The following BAZ2A variants were observed in gnomAD, a reference collection of about 807,000 sequenced individuals.
BAZ2A encodes bromodomain adjacent to zinc finger domain 2A, also known as bromodomain adjacent to zinc finger domain protein 2A.
Under a neutral mutation model 199.9 loss-of-function variants are expected in BAZ2A, and 34 were observed. The observed-to-expected ratio is 0.17, with a 90% CI of 0.13 to 0.23. The LOEUF (loss-of-function observed/expected upper bound fraction) is 0.23, where lower values mean the gene tolerates loss of function less well. BAZ2A is among the 10% of genes least tolerant of loss of function. The probability of loss-of-function intolerance (pLI) is 1.00; values close to 1 mark genes in which losing one functional copy is unlikely to be tolerated. For missense variants in BAZ2A, 2,002 were observed against 2,391.1 expected (o/e 0.84, Z 3.39); for synonymous variants, 857 against 883.9 (o/e 0.97, Z 0.54).
In BAZ2A at chr12:56,601,086, C is replaced by G. The variant is rs1886422506; in HGVS notation, c.4307G>C (p.Gly1436Ala). Reference sequence around the variant, plus strand: ...CTCAGGATCTCGTATCCACCACCAGCCTGAGCACATCTCTGTGAGCAGATG... The same window carrying G: ...CTCAGGATCTCGTATCCACCACCAGGCTGAGCACATCTCTGTGAGCAGATG... ...AQPVPPEMCS[G>A]WWWIRDPEML... The change falls in exon 22 of 29, where the codon GGC (glycine) becomes GCC (alanine). Residue 1436 changes from glycine to alanine, a missense_variant. This residue lies in a region of BAZ2A where 1,081 missense variants were observed against 1,274.7 expected (regional missense o/e 0.85). Transcript: ENST00000549884. The G allele has an allele frequency of 6.2e-7, 1 of 1,613,102 alleles. No homozygotes were observed. Among genetic ancestry groups the G allele is most frequent in the Non-Finnish European group, 8.5e-7 (1 of 1,179,536 alleles).
At chr12:56,618,978 T>C (rs1565830159) in intron 1 of BAZ2A, among the ~76,000 whole-genome samples, 1 of 152,122 alleles carries the variant, frequency 6.6e-6, no homozygotes, top group Non-Finnish European at 1.5e-5. Context: ...GGAGGACTAT[T>C]TGAGGCTAAG....
chr12:56,636,131 G>T (rs896812332), intron 1 of BAZ2A: 1 of 1,553,958 alleles, frequency 6.4e-7, no homozygotes, highest in East Asian at 2.4e-5. Context: ...GTCAGCCAGG[G>T]AGGGAGTAGG....
intron 3 of BAZ2A, among the ~76,000 whole-genome samples, chr12:56,614,582 CCTG>C: frequency 6.6e-6 from 1 of 152,178 alleles, no homozygotes; most frequent in East Asian, 1.9e-4. Context: ...ATATGCTCTG[CCTG>C]CTTCCTTCCC....
exon 1 of BAZ2A, chr12:56,636,241 C>A: frequency 6.4e-7 from 1 of 1,574,222 alleles, no homozygotes; most frequent in South Asian, 1.2e-5. Flanking sequence ...GTCCTTGGGC[C>A]TCCACTTCAC....
chr12:56,617,670 A>G, intron 1 of BAZ2A, 138 bp from the exon 2 acceptor site: 1 of 950,588 alleles, frequency 1.1e-6, no homozygotes, highest in Non-Finnish European at 1.5e-6. Context: ...GAGGGAAGGT[A>G]CAGAATAAGA....
At chr12:56,599,892 T>C (rs1196835546) in intron 25 of BAZ2A, 44 bp from the exon 26 acceptor site, 5 of 1,613,396 alleles carry the variant, frequency 3.1e-6, no homozygotes, top group Non-Finnish European at 4.2e-6. Context: ...CTCCAGCCTC[T>C]ACCTGCCAGT....
chr12:56,625,652 C>A (rs985824512), intron 1 of BAZ2A, among the ~76,000 whole-genome samples: 3 of 151,698 alleles, frequency 2.0e-5, no homozygotes, highest in Non-Finnish European at 4.4e-5. Flanking sequence ...CCGAGACGGG[C>A]GGATCATGAG....
chr12:56,612,125 T>C lies in BAZ2A; in HGVS notation c.1257A>G (p.Leu419=), dbSNP rs1481433483. Reference sequence around the variant, plus strand: ...AGACTGCTGGTGAGGTTGCTGGATGTAGCTGAATAGTGGATGACTGATCAG... The same window carrying C: ...AGACTGCTGGTGAGGTTGCTGGATGCAGCTGAATAGTGGATGACTGATCAG... The part of the protein sequence containing the change: ...PAPDQSSTIQ[L]HPATSPAVSP... Residue 419 remains leucine (L), a synonymous_variant, in exon 6 of 29, where the codon CTA becomes CTG. Transcript: ENST00000549884. 5.0e-6 allele frequency: 8 copies of C among 1,613,884 alleles called. No homozygotes were observed. The highest frequency in any genetic ancestry group is 2.2e-5 in the East Asian group (1 of 44,888).
upstream of BAZ2A, among the ~76,000 whole-genome samples, chr12:56,637,229 A>G (rs905597676): frequency 6.6e-6 from 1 of 152,246 alleles, no homozygotes; most frequent in African/African-American, 2.4e-5. Context: ...TGGTCCCGGA[A>G]AAGAACACAA....
chr12:56,615,378 G>A lies in BAZ2A; in HGVS notation c.366C>T (p.Asn122=), dbSNP rs750227920. Residue 122 remains asparagine, a synonymous_variant, in exon 3 of 29, where the codon AAC becomes AAT. Coordinates refer to ENST00000549884, the MANE Select transcript of BAZ2A (RefSeq NM_001300905.2). Reference sequence around the variant, plus strand: ...GTTGCCGGCTGCCCCCAAGGATGCCGTTGAGTGGGTATTGTCCCCCCGAGA... The same window carrying A: ...GTTGCCGGCTGCCCCCAAGGATGCCATTGAGTGGGTATTGTCCCCCCGAGA... ...SQFSGGQYPL[N]GILGGSRQPS... The A allele has an allele frequency of 1.7e-5, 27 of 1,613,344 alleles. No individual in the cohort carries two copies. The highest frequency in any genetic ancestry group is 4.5e-5 in the East Asian group (2 of 44,868).
chr12:56,606,499 C>G (rs1950360073), intron 11 of BAZ2A, 134 bp downstream of exon 11: 1 of 1,204,508 alleles, frequency 8.3e-7, no homozygotes, highest in Non-Finnish European at 1.2e-6. Context: ...TTCTCTAAAT[C>G]AAGTGCAAGA....
At chr12:56,626,782 C>T (rs990629240) in intron 1 of BAZ2A, among the ~76,000 whole-genome samples, 2 of 152,128 alleles carry the variant, frequency 1.3e-5, no homozygotes, top group Admixed American at 6.6e-5. Flanking sequence ...TCTTTTAACC[C>T]CCAACAGGGA....
Position 56,615,617 on chromosome 12 carries a change from A to G in BAZ2A, c.137-10T>C, listed in dbSNP as rs767644355. 6.4e-7 allele frequency: 1 copy of G among 1,562,334 alleles called. No individual in the cohort carries two copies. Among genetic ancestry groups the G allele is most frequent in the Admixed American group, 1.9e-5 (1 of 52,644 alleles). On this transcript the variant is annotated splice_polypyrimidine_tract_variant and intron_variant, in intron 2 of 28. Coordinates refer to ENST00000549884, the MANE Select transcript of BAZ2A (RefSeq NM_001300905.2). ...ACATCCCCATTCAAACCTGGCAGAG[A>G]AAGAAAGAAAAGGTCAGTTACAGAT...
At chr12:56,622,200 C>T (rs10876912) in intron 1 of BAZ2A, among the ~76,000 whole-genome samples, 16,978 of 151,840 alleles carry the variant, frequency 0.11, 2,663 homozygotes, top group African/African-American at 0.35. Flanking sequence ...ATTAGCTGGG[C>T]GTGGTGGCGG....
rs1043795297 is a variant in BAZ2A at position 56,630,295 on chromosome 12, A to G, written c.-173T>C. On this transcript the variant is annotated 5_prime_UTR_variant, in exon 1 of 29. Transcript: ENST00000549884. ...GGACGCGGCTCAACCGCGGGGCCCGAGAGGAGCCAACATGGCCGGCGGGGG... is the reference window on the plus strand; with the variant it reads ...GGACGCGGCTCAACCGCGGGGCCCGGGAGGAGCCAACATGGCCGGCGGGGG... 2 of 984,798 alleles carry G rather than the reference A, an allele frequency of 2.0e-6. No individual in the cohort carries two copies. Among genetic ancestry groups the G allele is most frequent in the South Asian group, 4.7e-5 (1 of 21,290 alleles). The allele number at this position is 984,798 out of a possible 1,614,324, so 61.0% of individuals were successfully genotyped here.
intron 1 of BAZ2A, among the ~76,000 whole-genome samples, chr12:56,626,527 C>T (rs1271040410): frequency 1.3e-5 from 2 of 152,216 alleles, no homozygotes; most frequent in African/African-American, 4.8e-5. Context: ...TCTAGACTGG[C>T]TCTGGGGTCA....
Position 56,599,175 on chromosome 12 carries a change from G to C in BAZ2A, c.5356C>G (p.Arg1786Gly). The part of the protein sequence containing the change: ...SEEGLSPSKR[R>G]RLSMRNHHSD... ...TGGTGGTTCCGCATAGAGAGTCGCC[G>C]CCGCTTGGAGGGGGAGAGCCCTTCT... Residue 1786 changes from arginine (R) to glycine (G), a missense_variant, in exon 27 of 29, where the codon CGG becomes GGG. Around this residue, in one of 6 missense-constraint regions of BAZ2A, gnomAD observed 122 missense variants for 123.0 expected, o/e 0.99. Transcript: ENST00000549884. 6.2e-7 allele frequency: 1 copy of C among 1,612,838 alleles called. No individual in the cohort carries two copies. Among genetic ancestry groups the C allele is most frequent in the Non-Finnish European group, 8.5e-7 (1 of 1,179,540 alleles).
rs774798264 is a variant in BAZ2A at position 56,601,572 on chromosome 12, G to C, written c.4045C>G (p.Pro1349Ala). ...AVSEDQPTPS[P>A]QQLASSKPMN... is the part of the protein sequence containing the mutation. ...GGCTTGGAGGAGGCAAGCTGCTGAG[G>C]GGAGGGAGTGGGTTGGTCCTCAGAA... Residue 1349 changes from proline (P) to alanine (A), a missense_variant, in exon 20 of 29, where the codon CCT becomes GCT. Physicochemically the swap from Pro to Ala is conservative, Grantham distance 27. Around this residue, in one of 6 missense-constraint regions of BAZ2A, gnomAD observed 1,081 missense variants for 1,274.7 expected, o/e 0.85. Transcript: ENST00000549884. The C allele has an allele frequency of 6.2e-7, 1 of 1,613,474 alleles. No homozygotes were observed. The highest frequency in any genetic ancestry group is 8.5e-7 in the Non-Finnish European group (1 of 1,179,852).
chr12:56,597,635 C>CACACACACACACACA lies in BAZ2A; in HGVS notation c.*982_*983insTGTGTGTGTGTGTGT, dbSNP rs1565800870. On this transcript the variant is annotated 3_prime_UTR_variant, in exon 29 of 29. Transcript: ENST00000549884. ...CACACACACACAGCGCGCTCTGAGGCCGACACACACACACACACACACACA... is the reference window on the plus strand; with the variant it reads ...CACACACACACAGCGCGCTCTGAGGCACACACACACACACACGACACACACACACACACACACACA... 2.1e-5 allele frequency: 2 copies of CACACACACACACACA among 96,314 alleles called. No individual in the cohort carries two copies. The highest frequency in any genetic ancestry group is 1.1e-4 in the African/African-American group (2 of 18,370). The allele number at this position is 96,314 out of a possible 1,614,324, so 6.0% of individuals were successfully genotyped here.
Sources: gnomAD v4.1 joint callset for allele counts (sites outside exome capture counted in the v4.1 genomes callset) on GRCh38, gnomAD v4.1.1 for gene constraint, gnomAD v4.1.1 regional missense constraint, MANE v1.5 for transcripts, NCBI Gene and HGNC (gene_info 2026-07-23, HGNC 2026-07-21) for gene names.